The following GAS7 variants were observed in gnomAD, a reference collection of about 807,000 sequenced individuals.
The protein encoded by GAS7 is growth arrest-specific protein 7.
In GAS7, 28 loss-of-function variants were observed where a neutral mutation model predicts 71.1. That is an observed-to-expected ratio of 0.39 (90% CI 0.29 to 0.54). GAS7 has a LOEUF of 0.54. Among genes scored for constraint, GAS7 ranks in the 20% least tolerant of loss-of-function variants. The pLI is 0.62. For missense variants in GAS7, 436 were observed against 627.8 expected (o/e 0.69, Z 3.27); for synonymous variants, 258 against 245.8 (o/e 1.05, Z -0.46).
At chr17:10,145,687 G>A (rs986809823) in intron 1 of GAS7, among the ~76,000 whole-genome samples, 24 of 152,318 alleles carry the variant, frequency 1.6e-4, no homozygotes, top group Middle Eastern at 3.4e-3. Flanking sequence ...GCTGCTGAAC[G>A]GACAGTATAG....
At chr17:9,963,094 C>T (rs1018679871) in intron 4 of GAS7, among the ~76,000 whole-genome samples, 15 of 150,114 alleles carry the variant, frequency 1.0e-4, no homozygotes, top group African/African-American at 3.7e-4. Context: ...GGCAACGAGA[C>T]AGGCAACAAC....
chr17:9,947,393 G>A (rs2068827823), intron 5 of GAS7, among the ~76,000 whole-genome samples: 1 of 152,156 alleles, frequency 6.6e-6, no homozygotes, highest in South Asian at 2.1e-4. Flanking sequence ...GTTAAACAAA[G>A]TATGAGATAG....
chr17:9,931,242 T>C (rs767335686), intron 9 of GAS7, among the ~76,000 whole-genome samples: 1 of 152,178 alleles, frequency 6.6e-6, no homozygotes, highest in Admixed American at 6.5e-5. Flanking sequence ...CACTGTGAAA[T>C]GTGTATGCTA....
At chr17:9,957,533 T>A (rs1297692154) in intron 5 of GAS7, among the ~76,000 whole-genome samples, 1 of 152,212 alleles carries the variant, frequency 6.6e-6, no homozygotes, top group Non-Finnish European at 1.5e-5. Context: ...ACTTTGCATT[T>A]TTGTTTTTCT....
intron 2 of GAS7, among the ~76,000 whole-genome samples, chr17:10,000,635 T>C (rs1250434511): frequency 6.6e-6 from 1 of 152,224 alleles, no homozygotes; most frequent in Non-Finnish European, 1.5e-5. Context: ...GAGATTTTCA[T>C]CTCTGTCTCT....
At chr17:10,171,030 C>A (rs1254250774) in intron 1 of GAS7, among the ~76,000 whole-genome samples, 1 of 152,202 alleles carries the variant, frequency 6.6e-6, no homozygotes, top group Non-Finnish European at 1.5e-5. Flanking sequence ...GGGCAAAAGT[C>A]CTCCTAACTC....
At position 10,124,513 on chromosome 17, in the gene GAS7, G is replaced by T. The variant is rs561117699; in HGVS notation, c.183+73695C>A. ...AGCTCCCACAGCACACCATTTGCAG[G>T]TGGCTACAGATCTCATGATTTGCTG... On this transcript the variant is annotated intron_variant, in intron 1 of 13. Coordinates refer to ENST00000432992, the MANE Select transcript of GAS7 (RefSeq NM_201433.2). 1.4e-4 allele frequency among the ~76,000 whole-genome samples: 21 copies of T among 152,356 alleles called. 1 individual carries two copies. In the South Asian group the frequency reaches 4.3e-3, roughly 32 times the overall value.
intron 11 of GAS7, among the ~76,000 whole-genome samples, chr17:9,921,734 T>C (rs183534982): frequency 0.013 from 1,936 of 151,824 alleles, 54 homozygotes; most frequent in African/African-American, 0.044. Flanking sequence ...CCGAGGCGGG[T>C]GGATCACGAG....
chr17:9,946,864 C>T (rs374477688), intron 6 of GAS7, 30 bp downstream of exon 6: 31 of 1,491,420 alleles, frequency 2.1e-5, no homozygotes, highest in African/African-American at 1.7e-4. Flanking sequence ...ACCGGGGTCA[C>T]GCTGTGGGGG....
intron 1 of GAS7, among the ~76,000 whole-genome samples, chr17:10,101,612 A>C (rs1038923794): frequency 6.6e-6 from 1 of 152,124 alleles, no homozygotes; most frequent in Non-Finnish European, 1.5e-5. Flanking sequence ...AGGGCCAATA[A>C]ATCCCTGCAC....
Position 9,919,732 on chromosome 17 carries a change from T to C in GAS7, c.1139-27A>G. 1.3e-6 allele frequency: 2 copies of C among 1,524,018 alleles called. No individual in the cohort carries two copies. Among genetic ancestry groups the C allele is most frequent in the Non-Finnish European group, 1.8e-6 (2 of 1,098,028 alleles). 94.4% of individuals were successfully genotyped at this position (1,524,018 alleles called of 1,614,324 possible). On this transcript the variant is annotated intron_variant, in intron 11 of 13. Transcript: ENST00000432992. The surrounding 1 kb of genome is among the most constrained non-coding windows in gnomAD (Gnocchi z 5.0). The stretch of plus-strand genomic sequence containing the variant: ...TGGAAAAAGACCACAGTCACCATCA[T>C]GAAGCATCCTATCCTCACCATGACT...
chr17:9,979,331 G>T (rs536897951), intron 3 of GAS7, among the ~76,000 whole-genome samples: 2 of 152,260 alleles, frequency 1.3e-5, no homozygotes, highest in South Asian at 4.1e-4. Context: ...AACACACTCA[G>T]TCTAGCCTTG....
At chr17:10,000,829 T>A (rs1670136754) in intron 2 of GAS7, among the ~76,000 whole-genome samples, 1 of 152,200 alleles carries the variant, frequency 6.6e-6, no homozygotes. Context: ...CGTACCTTTC[T>A]GCAGTGGCAC....
At chr17:10,012,299 T>C (rs2071805373) in intron 2 of GAS7, among the ~76,000 whole-genome samples, 1 of 152,092 alleles carries the variant, frequency 6.6e-6, no homozygotes, top group African/African-American at 2.4e-5. Flanking sequence ...ATTTTATTTA[T>C]TTATTTGAGA....
chr17:10,150,526 A>G (rs1322635541), intron 1 of GAS7, among the ~76,000 whole-genome samples: 1 of 151,496 alleles, frequency 6.6e-6, no homozygotes, highest in African/African-American at 2.4e-5. Flanking sequence ...GAAGTTGTTG[A>G]ATGAACACCT....
intron 1 of GAS7, among the ~76,000 whole-genome samples, chr17:10,051,433 T>C (rs2073060883): frequency 6.6e-6 from 1 of 152,152 alleles, no homozygotes; most frequent in Non-Finnish European, 1.5e-5. Flanking sequence ...TCAGAATAGG[T>C]TCTCATCAAT....
At chr17:10,191,866 C>G (rs1002976532) in intron 1 of GAS7, among the ~76,000 whole-genome samples, 1 of 118,434 alleles carries the variant, frequency 8.4e-6, no homozygotes, top group Non-Finnish European at 1.7e-5. Context: ...CAAAGCAAGA[C>G]TCCATCTCAA....
chr17:10,000,352 C>T (rs1229230212), intron 2 of GAS7, among the ~76,000 whole-genome samples: 2 of 152,194 alleles, frequency 1.3e-5, no homozygotes, highest in East Asian at 3.8e-4. Context: ...GTTTTCTCTG[C>T]ACCAGGTGCT....
intron 2 of GAS7, among the ~76,000 whole-genome samples, chr17:10,007,397 G>A (rs187494970): frequency 5.3e-5 from 8 of 152,126 alleles, no homozygotes; most frequent in East Asian, 3.9e-4. Context: ...GGGTGAGGCT[G>A]GTGGATCACC....
Sources: allele counts gnomAD v4.1 joint callset (sites outside exome capture counted in the v4.1 genomes callset), GRCh38; gene constraint gnomAD v4.1.1; non-coding constraint Gnocchi (gnomAD v3.1); transcripts MANE v1.5; gene names NCBI Gene and HGNC (gene_info 2026-07-23, HGNC 2026-07-21).